MBNL2: variants seen among roughly 807,000 people sequenced by gnomAD.
The protein encoded by MBNL2 is muscleblind-like protein 2.
Under a neutral mutation model 41.9 loss-of-function variants are expected in MBNL2, and 17 were observed. The observed-to-expected ratio is 0.41, with a 90% CI of 0.28 to 0.61. MBNL2 has a LOEUF of 0.61. Among genes scored for constraint, MBNL2 ranks in the 20% least tolerant of loss-of-function variants. The pLI, the probability that MBNL2 is intolerant of heterozygous loss-of-function variation, is 0.35. For missense variants in MBNL2, 336 were observed against 505.6 expected (o/e 0.66, Z 3.22); for synonymous variants, 195 against 182.9 (o/e 1.07, Z -0.53).
chr13:97,162,237 C>A, the MBNL2 span, among the ~76,000 whole-genome samples: 4 of 151,252 alleles, frequency 2.6e-5, no homozygotes, highest in Non-Finnish European at 5.9e-5. Flanking sequence ...TTGGGGATTA[C>A]AATTTGACAT....
At chr13:97,154,612 T>TA in the MBNL2 span, among the ~76,000 whole-genome samples, 1 of 152,084 alleles carries the variant, frequency 6.6e-6, no homozygotes, top group Non-Finnish European at 1.5e-5. Context: ...GCTGATTTTT[T>TA]AAACATATGG....
Position 97,366,485 on chromosome 13 carries a change from G to A in MBNL2, c.1048+1314G>A, listed in dbSNP as rs138682101. 7.2e-5 allele frequency: 116 copies of A among 1,610,550 alleles called. No individual in the cohort carries two copies. The highest frequency in any genetic ancestry group is 9.3e-5 in the Non-Finnish European group (109 of 1,177,096). On this transcript the variant is annotated intron_variant, in intron 8 of 8. Coordinates refer to ENST00000679496, the MANE Select transcript of MBNL2 (RefSeq NM_001382683.1). This position sits in a 1 kb window ranked among gnomAD's most constrained non-coding sequence, Gnocchi z 4.7. ...ACCCATGATGCACAGCGCTACGTCC[G>A]CCACTGTCTCTGCAGCAACAACTCC...
chr13:97,297,656 C>T (rs767724022), intron 2 of MBNL2, among the ~76,000 whole-genome samples: 2 of 152,140 alleles, frequency 1.3e-5, no homozygotes, highest in Admixed American at 6.5e-5. Context: ...CCAGCCAAGA[C>T]GACCCATCAG....
intron 2 of MBNL2, among the ~76,000 whole-genome samples, chr13:97,315,694 G>A (rs1239702164): frequency 6.6e-6 from 1 of 152,164 alleles, no homozygotes; most frequent in Admixed American, 6.5e-5. Context: ...ATAAGTCTTT[G>A]GATTTTCCCA....
At chr13:97,195,251 A>G in the MBNL2 span, among the ~76,000 whole-genome samples, 2 of 152,100 alleles carry the variant, frequency 1.3e-5, no homozygotes, top group Non-Finnish European at 2.9e-5. Context: ...TCGAGAACTC[A>G]GGCATCATCT....
At chr13:97,217,000 ATAT>A (rs1400918555), upstream of MBNL2, among the ~76,000 whole-genome samples, 2 of 148,672 alleles carry the variant, frequency 1.3e-5, no homozygotes, top group Non-Finnish European at 3.0e-5. Context: ...TACGTAATAC[ATAT>A]TATAGAATAT....
chr13:97,174,182 C>T, the MBNL2 span, among the ~76,000 whole-genome samples: 5 of 152,088 alleles, frequency 3.3e-5, no homozygotes, highest in South Asian at 2.1e-4. Context: ...ATGTAAGCTG[C>T]TTCTGGAATG....
At position 97,381,680 on chromosome 13, in the gene MBNL2, G is replaced by A. The variant is rs972667533; in HGVS notation, c.1049-9642G>A. 1.7e-4 allele frequency among the ~76,000 whole-genome samples: 25 copies of A among 151,398 alleles called. No individual in the cohort carries two copies. The Middle Eastern group carries it at 0.01, about 63-fold the overall frequency. ...TTGCTTTAATTTTTTTAACTTTCACGTTTATTAAATTTTTATTTTTCACTC... is the reference window on the plus strand; with the variant it reads ...TTGCTTTAATTTTTTTAACTTTCACATTTATTAAATTTTTATTTTTCACTC... On this transcript the variant is annotated intron_variant, in intron 8 of 8. Transcript: ENST00000679496.
At chr13:97,173,566 C>A in the MBNL2 span, among the ~76,000 whole-genome samples, 7,218 of 152,238 alleles carry the variant, frequency 0.047, 506 homozygotes, top group African/African-American at 0.16. Context: ...CTGGCCTCTC[C>A]TTAGTCTTTA....
intron 1 of MBNL2, among the ~76,000 whole-genome samples, chr13:97,265,529 G>A (rs77548125): frequency 0.024 from 3,628 of 152,230 alleles, 147 homozygotes; most frequent in African/African-American, 0.078. Flanking sequence ...TCACATGCTA[G>A]GCAGGACTTC....
At chr13:97,171,511 A>C in the MBNL2 span, among the ~76,000 whole-genome samples, 1 of 152,240 alleles carries the variant, frequency 6.6e-6, no homozygotes, top group Admixed American at 6.5e-5. Flanking sequence ...GTGTACATAC[A>C]ATATACAACA....
chr13:97,278,127 T>C (rs1484891550), intron 2 of MBNL2, among the ~76,000 whole-genome samples: 2 of 151,654 alleles, frequency 1.3e-5, no homozygotes, highest in Non-Finnish European at 2.9e-5. Context: ...TGGTGGTGCA[T>C]GCCTGTAATC....
chr13:97,289,115 T>G (rs1333833345), intron 2 of MBNL2, among the ~76,000 whole-genome samples: 2 of 152,244 alleles, frequency 1.3e-5, no homozygotes, highest in Non-Finnish European at 2.9e-5. Context: ...AATGGAGCAT[T>G]TCTTATTCTT....
At chr13:97,227,388 G>A (rs935683883) in intron 1 of MBNL2, among the ~76,000 whole-genome samples, 2 of 152,126 alleles carry the variant, frequency 1.3e-5, no homozygotes, top group East Asian at 1.9e-4. Flanking sequence ...AAAATGCTGC[G>A]GCCGTTTGCA....
At chr13:97,266,514 C>T (rs1364324247) in intron 1 of MBNL2, among the ~76,000 whole-genome samples, 1 of 152,200 alleles carries the variant, frequency 6.6e-6, no homozygotes. Flanking sequence ...TTCTGGAGAT[C>T]AAGTGGCTCT....
intron 1 of MBNL2, among the ~76,000 whole-genome samples, chr13:97,227,793 T>C (rs1291886964): frequency 2.0e-5 from 3 of 152,150 alleles, no homozygotes; most frequent in African/African-American, 7.2e-5. Flanking sequence ...TTTGGGACCA[T>C]TGGTAGCCTA....
At chr13:97,243,786 A>G (rs1394727596) in intron 1 of MBNL2, among the ~76,000 whole-genome samples, 1 of 152,222 alleles carries the variant, frequency 6.6e-6, no homozygotes, top group Non-Finnish European at 1.5e-5. Flanking sequence ...AGCAAATAGC[A>G]TTATGTGGAT....
chr13:97,383,378 A>G (rs1203668066), intron 8 of MBNL2, among the ~76,000 whole-genome samples: 2 of 152,216 alleles, frequency 1.3e-5, no homozygotes, highest in East Asian at 1.9e-4. Flanking sequence ...CTAAGTTGTC[A>G]ATGTGAACCC....
intron 2 of MBNL2, among the ~76,000 whole-genome samples, chr13:97,321,712 C>A (rs1436355385): frequency 3.9e-5 from 6 of 152,142 alleles, no homozygotes; most frequent in Non-Finnish European, 5.9e-5. Flanking sequence ...TCTAATAAGA[C>A]AGGGTGTGAA....
Sources: gnomAD v4.1 joint callset for allele counts (sites outside exome capture counted in the v4.1 genomes callset) on GRCh38, gnomAD v4.1.1 for gene constraint, Gnocchi (gnomAD v3.1) non-coding constraint, MANE v1.5 for transcripts, NCBI Gene and HGNC (gene_info 2026-07-23, HGNC 2026-07-21) for gene names.